Variants in ZNF577 observed in about 807,000 individuals in gnomAD.
ZNF577 encodes the protein zinc finger protein 577.
Under a neutral mutation model 13.9 loss-of-function variants are expected in ZNF577, and 14 were observed. The ratio of observed to expected loss-of-function variants is 1.00; its 90% CI spans 0.66 to 1.57. The LOEUF (loss-of-function observed/expected upper bound fraction) is 1.57. Among genes scored for constraint, ZNF577 ranks in the 40% most tolerant of loss-of-function variants. The pLI is 0.00. For synonymous variants in ZNF577, 203 were observed against 202.9 expected, an observed-to-expected ratio of 1.00 and a Z score of 0.00; for missense variants, 555 against 579.2, an observed-to-expected ratio of 0.96 and a Z score of 0.43.
chr19:51,807,097 C>CAAG (rs995091591), intron 10 of ZNF577, among the ~76,000 whole-genome samples: 3 of 152,162 alleles, frequency 2.0e-5, no homozygotes, highest in African/African-American at 7.2e-5. Context: ...GAATAAAAGA[C>CAAG]AAGAGATAAA....
chr19:51,834,842 T>A (rs1254686743), intron 9 of ZNF577, among the ~76,000 whole-genome samples: 1 of 152,070 alleles, frequency 6.6e-6, no homozygotes, highest in Non-Finnish European at 1.5e-5. Context: ...CACCACCACA[T>A]CTGGCTAATT....
chr19:51,845,202 G>A (rs4802884), intron 5 of ZNF577, among the ~76,000 whole-genome samples: 68,704 of 151,944 alleles, frequency 0.45, 15,974 homozygotes, highest in South Asian at 0.58. Context: ...ATTTTCAAGA[G>A]TACAATACTT....
At position 51,870,672 on chromosome 19, in the gene ZNF577, C is replaced by T. The variant is rs2084644883; in HGVS notation, c.*1860G>A. On this transcript the variant is annotated 3_prime_UTR_variant, in exon 6 of 6. Transcript: ENST00000638348. ...CAAAAGGCTTGTGGGGGAAACTCTA[C>T]AGAACTCTCAATTCTTGAGTGCAGC... 1.3e-5 allele frequency among the ~76,000 whole-genome samples: 2 copies of T among 152,162 alleles called. No homozygotes were observed. The highest frequency in any genetic ancestry group is 6.5e-5 in the Admixed American group (1 of 15,280).
At chr19:51,843,793 C>T (rs2084334244) in intron 6 of ZNF577, among the ~76,000 whole-genome samples, 2 of 152,104 alleles carry the variant, frequency 1.3e-5, no homozygotes, top group African/African-American at 4.8e-5. Flanking sequence ...TAGGTAAGGC[C>T]ATAATTGTTC....
At chr19:51,877,684 T>C in intron 4 of ZNF577, 1 of 239,704 alleles carries the variant, frequency 4.2e-6, no homozygotes, top group Non-Finnish European at 8.1e-6. Context: ...AAAATGGTAC[T>C]GACATTGTGG....
intron 5 of ZNF577, among the ~76,000 whole-genome samples, chr19:51,853,573 T>G (rs558464860): frequency 6.6e-6 from 1 of 152,230 alleles, no homozygotes; most frequent in Non-Finnish European, 1.5e-5. Flanking sequence ...TAACGGCTGT[T>G]CAGCTTCAAG....
downstream of ZNF577, among the ~76,000 whole-genome samples, chr19:51,864,423 A>G (rs2084537366): frequency 6.6e-6 from 1 of 152,190 alleles, no homozygotes; most frequent in Admixed American, 6.5e-5. Context: ...ATTTTCATAA[A>G]TGAAAATAGT....
intron 6 of ZNF577, among the ~76,000 whole-genome samples, chr19:51,844,556 G>T (rs1356398048): frequency 6.6e-6 from 1 of 152,188 alleles, no homozygotes; most frequent in Non-Finnish European, 1.5e-5. Context: ...TATGGCAATT[G>T]TCTAATTATT....
At chr19:51,846,285 T>C (rs904748886) in intron 5 of ZNF577, among the ~76,000 whole-genome samples, 3 of 152,180 alleles carry the variant, frequency 2.0e-5, no homozygotes, top group African/African-American at 7.2e-5. Context: ...AAGGTATACA[T>C]TTGCATAATA....
chr19:51,861,593 T>G (rs1376935762), intron 5 of ZNF577: 3 of 152,280 alleles, frequency 2.0e-5, no homozygotes, highest in African/African-American at 7.2e-5. Flanking sequence ...TGAGCTGATG[T>G]GACTAATCAA....
rs139238370 is a variant in ZNF577 at position 51,880,819 on chromosome 19, CCCAGCCTGGAAGCT to C, written c.-174_-161del. The C allele has an allele frequency of 3.6e-4, 58 of 161,482 alleles. No individual in the cohort carries two copies. In the East Asian group the frequency reaches 5.1e-3, roughly 14 times the overall value. The allele number at this position is 161,482 out of a possible 1,614,324, so 10.0% of individuals were successfully genotyped here. A position where few individuals can be genotyped will look rare whatever the true frequency, so the allele number is the denominator to read the frequency against. On this transcript the variant is annotated 5_prime_UTR_variant, in exon 2 of 6. It introduces an in-frame stop codon into an upstream open reading frame of the 5' UTR. Transcript: ENST00000638348. ...GCTACCACTGGAAATGATGATCTTC[CCCAGCCTGGAAGCT>C]CCTTCTTCCATTACTGAAAATGTCT...
In ZNF577 at chr19:51,887,491, C is replaced by A. The variant is rs2084966830; in HGVS notation, c.-889G>T. ...GAAAACCCATTTTCTACAGAATATACAGCAGCAGGGAAGCAAGGGGACCAG... is the reference window on the plus strand; with the variant it reads ...GAAAACCCATTTTCTACAGAATATAAAGCAGCAGGGAAGCAAGGGGACCAG... On this transcript the variant is annotated 5_prime_UTR_variant, in exon 1 of 6. Transcript: ENST00000638348. 1 of 152,182 alleles carries A rather than the reference C, an allele frequency of 6.6e-6. No individual in the cohort carries two copies. Among genetic ancestry groups the A allele is most frequent in the African/African-American group, 2.4e-5 (1 of 41,424 alleles). The allele number at this position is 152,182 out of a possible 1,614,324, so 9.4% of individuals were successfully genotyped here.
rs896661070 is a variant in ZNF577 at position 51,870,338 on chromosome 19, T to A, written c.*2194A>T. ...AATTACTGACTGGTAGATTGCTTTC[T>A]ATTTCTTTATTAGTCTCTGTTTGGA... is the stretch of plus-strand genomic sequence containing the variant. On this transcript the variant is annotated 3_prime_UTR_variant, in exon 6 of 6. Transcript: ENST00000638348. 2.0e-5 allele frequency among the ~76,000 whole-genome samples: 3 copies of A among 152,226 alleles called. No homozygotes were observed. Among genetic ancestry groups the A allele is most frequent in the African/African-American group, 7.2e-5 (3 of 41,452 alleles).
At chr19:51,859,245 T>C (rs577758591) in intron 5 of ZNF577, among the ~76,000 whole-genome samples, 4 of 152,340 alleles carry the variant, frequency 2.6e-5, no homozygotes, top group Admixed American at 1.3e-4. Flanking sequence ...CATCCTTTGA[T>C]AGGCATTTGA....
intron 5 of ZNF577, among the ~76,000 whole-genome samples, chr19:51,854,979 G>T (rs1405151563): frequency 1.3e-5 from 2 of 151,956 alleles, no homozygotes; most frequent in Non-Finnish European, 2.9e-5. Context: ...CTTTATACAT[G>T]GTTTACTTCA....
intron 1 of ZNF577, among the ~76,000 whole-genome samples, chr19:51,882,565 T>G (rs2084878489): frequency 6.6e-6 from 1 of 151,914 alleles, no homozygotes; most frequent in Non-Finnish European, 1.5e-5. Context: ...GAGAATTCCT[T>G]GAGGCCAGGA....
exon 6 of ZNF577, chr19:51,844,770 C>G (rs1011541796): frequency 6.6e-6 from 1 of 152,204 alleles, no homozygotes; most frequent in Non-Finnish European, 1.5e-5. Flanking sequence ...GGAACTTTGT[C>G]ATGTTCAAGA....
At chr19:51,857,498 A>G (rs2084448822) in intron 5 of ZNF577, among the ~76,000 whole-genome samples, 1 of 152,208 alleles carries the variant, frequency 6.6e-6, no homozygotes, top group Non-Finnish European at 1.5e-5. Flanking sequence ...TTTTTAGAAG[A>G]GCATAGACCA....
chr19:51,860,426 T>C (rs1319943526), intron 5 of ZNF577: 1 of 152,444 alleles, frequency 6.6e-6, no homozygotes, highest in East Asian at 1.9e-4. Context: ...TCCATTAGGA[T>C]TTTATACCTG....
Sources: gnomAD v4.1 joint callset for allele counts (sites outside exome capture counted in the v4.1 genomes callset) on GRCh38, gnomAD v4.1.1 for gene constraint, MANE v1.5 for transcripts, NCBI Gene and HGNC (gene_info 2026-07-23, HGNC 2026-07-21) for gene names.